RAPGEF5: variants seen among roughly 807,000 people sequenced by gnomAD.
RAPGEF5 encodes Rap guanine nucleotide exchange factor 5, also known as M-Ras-regulated GEF.
RAPGEF5 carries 65 observed loss-of-function variants against 125.2 expected under a neutral mutation model. The observed-to-expected ratio is 0.52, with a 90% CI of 0.43 to 0.64. The LOEUF (loss-of-function observed/expected upper bound fraction) is 0.64, where lower values mean the gene tolerates loss of function less well. Among genes scored for constraint, RAPGEF5 ranks in the 30% least tolerant of loss-of-function variants. The pLI, the probability that RAPGEF5 is intolerant of heterozygous loss-of-function variation, is 0.00. For synonymous variants in RAPGEF5, 391 were observed against 385.9 expected (o/e 1.01, Z -0.16); for missense variants, 958 against 1,048.1 (o/e 0.91, Z 1.19).
chr7:22,251,970 T>C (rs1468215101), intron 7 of RAPGEF5, among the ~76,000 whole-genome samples: 1 of 152,070 alleles, frequency 6.6e-6, no homozygotes, highest in Non-Finnish European at 1.5e-5. Context: ...GAACTAATAT[T>C]GGATTTATGC....
rs540444420 is a variant in RAPGEF5, at chr7:22,193,311, C to A, written c.1204+56G>T. 4.6e-6 allele frequency: 7 copies of A among 1,528,270 alleles called. No individual in the cohort carries two copies. In the African/African-American group the frequency reaches 6.9e-5, roughly 15 times the overall value. The allele number at this position is 1,528,270 out of a possible 1,614,324, so 94.7% of individuals were successfully genotyped here. ...AGTGGGAACCTTGCCCCTGAGGGTA[C>A]TGACAAGGGCATCAGCTGCTATCAG... On this transcript the variant is annotated intron_variant, in intron 11 of 25. Coordinates refer to ENST00000665637, the MANE Select transcript of RAPGEF5 (RefSeq NM_012294.5).
intron 3 of RAPGEF5, among the ~76,000 whole-genome samples, chr7:22,313,299 G>A (rs1009876937): frequency 4.6e-5 from 7 of 152,152 alleles, no homozygotes; most frequent in African/African-American, 9.7e-5. Flanking sequence ...AAGAAATGAC[G>A]TCTCAGAAAC....
chr7:22,331,631 G>A (rs1783920729), intron 1 of RAPGEF5, among the ~76,000 whole-genome samples: 1 of 151,574 alleles, frequency 6.6e-6, no homozygotes, highest in African/African-American at 2.4e-5. Flanking sequence ...CGTAGTCCCA[G>A]CTACTCGGGA....
At chr7:22,314,442 C>T (rs1418515137) in intron 3 of RAPGEF5, 1 of 238,894 alleles carries the variant, frequency 4.2e-6, no homozygotes, top group African/African-American at 2.3e-5. Flanking sequence ...ATTACTATCC[C>T]AAAAACCCAA....
At chr7:22,135,239 A>G (rs1363505157) in intron 23 of RAPGEF5, among the ~76,000 whole-genome samples, 1 of 152,196 alleles carries the variant, frequency 6.6e-6, no homozygotes, top group Non-Finnish European at 1.5e-5. Flanking sequence ...TGAAGAAAAG[A>G]GGCTGGATGA....
At chr7:22,353,197 T>C (rs1784361159) in intron 1 of RAPGEF5, among the ~76,000 whole-genome samples, 1 of 151,994 alleles carries the variant, frequency 6.6e-6, no homozygotes, top group African/African-American at 2.4e-5. Flanking sequence ...ACAGCACAAA[T>C]GAACCACTCT....
chr7:22,266,803 T>C (rs1782293056), intron 7 of RAPGEF5, among the ~76,000 whole-genome samples, 161 bp downstream of exon 7: 1 of 152,220 alleles, frequency 6.6e-6, no homozygotes, highest in African/African-American at 2.4e-5. Flanking sequence ...TCCTGTGCTA[T>C]TCTGATGGTA....
chr7:22,251,128 A>T (rs958958613), intron 7 of RAPGEF5, among the ~76,000 whole-genome samples: 2 of 152,206 alleles, frequency 1.3e-5, no homozygotes, highest in African/African-American at 4.8e-5. Context: ...TAATTATGTG[A>T]TCTCCTAATA....
chr7:22,307,257 G>C (rs1463673200), intron 5 of RAPGEF5, among the ~76,000 whole-genome samples: 1 of 152,030 alleles, frequency 6.6e-6, no homozygotes, highest in Non-Finnish European at 1.5e-5. Context: ...TCATTACAGA[G>C]ATCTTTCACT....
chr7:22,347,274 ATTG>A (rs1784240418), intron 1 of RAPGEF5, among the ~76,000 whole-genome samples: 2 of 152,150 alleles, frequency 1.3e-5, no homozygotes, highest in Non-Finnish European at 1.5e-5. Context: ...GTTCATATAG[ATTG>A]TTAATATAAT....
chr7:22,267,825 A>G (rs113889243), intron 6 of RAPGEF5, among the ~76,000 whole-genome samples: 5,379 of 152,084 alleles, frequency 0.035, 297 homozygotes, highest in African/African-American at 0.12. Flanking sequence ...TCTTAAACTC[A>G]GAAGTTTGTG....
At chr7:22,163,362 C>T (rs564484959) in intron 12 of RAPGEF5, among the ~76,000 whole-genome samples, 77 of 152,168 alleles carry the variant, frequency 5.1e-4, no homozygotes, top group African/African-American at 1.7e-3. Flanking sequence ...AAAATGATGG[C>T]CCAGCAGTAC....
rs993183805 is a variant in RAPGEF5 at position 22,178,767 on chromosome 7, G to A, written c.1205-11619C>T. On this transcript the variant is annotated intron_variant, in intron 11 of 25. Transcript: ENST00000665637. ...AGAGTTTTTATAGAAGCTTCATTAGGTAGGCATGATTGATTAAATCATGGA... is the reference window on the plus strand; with the variant it reads ...AGAGTTTTTATAGAAGCTTCATTAGATAGGCATGATTGATTAAATCATGGA... 3.9e-5 allele frequency among the ~76,000 whole-genome samples: 6 copies of A among 152,088 alleles called. No homozygotes were observed. The East Asian group carries it at 1.2e-3, about 29-fold the overall frequency.
chr7:22,218,780 C>G (rs1275198527), intron 9 of RAPGEF5, among the ~76,000 whole-genome samples: 4 of 152,202 alleles, frequency 2.6e-5, no homozygotes, highest in Admixed American at 2.0e-4. Context: ...TGCCTGAGAC[C>G]TACATCCACA....
chr7:22,155,763 G>GA (rs1783785170), intron 16 of RAPGEF5, among the ~76,000 whole-genome samples: 1 of 152,180 alleles, frequency 6.6e-6, no homozygotes, highest in African/African-American at 2.4e-5. Context: ...TCCTTCCATA[G>GA]AAAGATGGAA....
chr7:22,340,356 G>A (rs1784102430), intron 1 of RAPGEF5, among the ~76,000 whole-genome samples: 1 of 152,200 alleles, frequency 6.6e-6, no homozygotes, highest in Admixed American at 6.5e-5. Flanking sequence ...AGTGAAGATG[G>A]ATAGCTCATC....
intron 16 of RAPGEF5, 50 bp from the exon 17 acceptor site, chr7:22,154,654 G>GTA: frequency 6.4e-7 from 1 of 1,571,112 alleles, no homozygotes; most frequent in South Asian, 1.2e-5. Flanking sequence ...TGGTCACGAG[G>GTA]TATAGACTTT....
chr7:22,331,700 G>A (rs1401799835), intron 1 of RAPGEF5, among the ~76,000 whole-genome samples: 7 of 138,396 alleles, frequency 5.1e-5, no homozygotes, highest in East Asian at 2.1e-4. Flanking sequence ...AGTGGAGATC[G>A]CACCATTGCA....
intron 5 of RAPGEF5, among the ~76,000 whole-genome samples, chr7:22,295,841 A>G (rs1783048191): frequency 6.6e-6 from 1 of 152,152 alleles, no homozygotes; most frequent in Non-Finnish European, 1.5e-5. Context: ...TAGGAAAAGT[A>G]AAGTTAGGAG....
Sources: gnomAD v4.1 joint callset for allele counts (sites outside exome capture counted in the v4.1 genomes callset) on GRCh38, gnomAD v4.1.1 for gene constraint, MANE v1.5 for transcripts, NCBI Gene and HGNC (gene_info 2026-07-23, HGNC 2026-07-21) for gene names.